The following TMTC2 variants were observed in gnomAD, a reference collection of about 807,000 sequenced individuals.
The protein encoded by TMTC2 is transmembrane O-mannosyltransferase targeting cadherins 2.
In TMTC2, 43 loss-of-function variants were observed where a neutral mutation model predicts 82.4. The observed-to-expected ratio is 0.52, with a 90% CI of 0.41 to 0.67. The LOEUF is 0.67. Among genes scored for constraint, TMTC2 ranks in the 30% least tolerant of loss-of-function variants. TMTC2 has a pLI of 0.00. For missense variants in TMTC2, 919 were observed against 1,012.4 expected (o/e 0.91, Z 1.25); for synonymous variants, 408 against 381.9 (o/e 1.07, Z -0.80).
At chr12:82,983,523 T>G (rs770398844) in intron 7 of TMTC2, among the ~76,000 whole-genome samples, 10 of 152,064 alleles carry the variant, frequency 6.6e-5, no homozygotes, top group Non-Finnish European at 1.5e-4. Flanking sequence ...GAAATAAATT[T>G]TAAATATTAA....
chr12:82,957,554 C>A (rs1430447089), intron 4 of TMTC2, among the ~76,000 whole-genome samples: 2 of 151,780 alleles, frequency 1.3e-5, no homozygotes, highest in East Asian at 1.9e-4. Context: ...GAATTTGAGA[C>A]CCCAAAATCT....
chr12:83,089,489 C>T (rs1360856289), intron 11 of TMTC2, among the ~76,000 whole-genome samples: 1 of 152,090 alleles, frequency 6.6e-6, no homozygotes, highest in Non-Finnish European at 1.5e-5. Flanking sequence ...TTAACTAATT[C>T]ACACACATTT....
intron 2 of TMTC2, among the ~76,000 whole-genome samples, chr12:82,895,591 G>C (rs80049030): frequency 6.6e-6 from 1 of 152,006 alleles, no homozygotes. Flanking sequence ...AATAAGAAAA[G>C]ATAATCAAAA....
chr12:82,866,764 A>G (rs551333747), intron 2 of TMTC2, among the ~76,000 whole-genome samples: 2 of 152,360 alleles, frequency 1.3e-5, no homozygotes, highest in South Asian at 4.1e-4. Context: ...TTAAATGCTT[A>G]GAATGGTGGA....
chr12:82,687,614 C>G lies in TMTC2; in HGVS notation c.28C>G (p.Leu10Val). 2 of 1,602,790 alleles carry G rather than the reference C, an allele frequency of 1.2e-6. No individual in the cohort carries two copies. Among genetic ancestry groups the G allele is most frequent in the Non-Finnish European group, 8.5e-7 (1 of 1,176,028 alleles). The part of the protein sequence containing the change: MIAELVSSA[L>V]GLALYLNTLS... The stretch of plus-strand genomic sequence containing the variant: ...GATTGCAGAGTTGGTGAGCAGCGCT[C>G]TGGGGCTCGCCTTGTATCTCAACAC... The change falls in exon 1 of 12, where the codon CTG (leucine) becomes GTG (valine). Residue 10 changes from leucine to valine, a missense_variant. Physicochemically the swap from Leu to Val is conservative, Grantham distance 32. Transcript: ENST00000321196.
At chr12:82,862,817 A>G (rs1871616297) in intron 2 of TMTC2, among the ~76,000 whole-genome samples, 1 of 152,216 alleles carries the variant, frequency 6.6e-6, no homozygotes, top group Admixed American at 6.5e-5. Context: ...TGTTCAGATC[A>G]AAACTAACAA....
chr12:82,865,781 T>C (rs2137127894), intron 2 of TMTC2, among the ~76,000 whole-genome samples: 1 of 152,176 alleles, frequency 6.6e-6, no homozygotes, highest in East Asian at 1.9e-4. Flanking sequence ...CCTCAGCAAA[T>C]GTAAAAGAAC....
chr12:82,695,322 T>G (rs1199435518), intron 1 of TMTC2, among the ~76,000 whole-genome samples: 1 of 152,224 alleles, frequency 6.6e-6, no homozygotes, highest in Non-Finnish European at 1.5e-5. Flanking sequence ...TGTTTCCTTT[T>G]TTTGGTTGCT....
chr12:82,909,576 G>C (rs1330571501), intron 3 of TMTC2, among the ~76,000 whole-genome samples: 2 of 152,076 alleles, frequency 1.3e-5, no homozygotes, highest in Non-Finnish European at 2.9e-5. Context: ...TCCTGACCTT[G>C]TGATCCACCC....
At chr12:82,784,378 A>G (rs1229527979) in intron 1 of TMTC2, among the ~76,000 whole-genome samples, 2 of 152,138 alleles carry the variant, frequency 1.3e-5, no homozygotes, top group African/African-American at 4.8e-5. Flanking sequence ...GAAAGGATAC[A>G]TGAAATTGAC....
intron 5 of TMTC2, 57 bp from the exon 6 acceptor site, chr12:82,965,503 A>G: frequency 6.4e-7 from 1 of 1,568,218 alleles, no homozygotes; most frequent in Admixed American, 1.8e-5. Context: ...AGAAAACTTT[A>G]TTTTATTCAA....
At chr12:82,883,632 A>G (rs1481406299) in intron 2 of TMTC2, among the ~76,000 whole-genome samples, 5 of 152,220 alleles carry the variant, frequency 3.3e-5, no homozygotes, top group African/African-American at 1.2e-4. Flanking sequence ...TTGTCGCACT[A>G]AAGCCACACA....
In TMTC2 at chr12:83,133,195, T is replaced by C. The variant is rs1248886931; in HGVS notation, c.*806T>C. The C allele has an allele frequency of 6.6e-6, 1 of 152,224 alleles. No homozygotes were observed. The highest frequency in any genetic ancestry group is 1.5e-5 in the Non-Finnish European group (1 of 68,054). 9.4% of individuals were successfully genotyped at this position (152,224 alleles called of 1,614,324 possible). A position where few individuals can be genotyped will look rare whatever the true frequency, so the allele number is the denominator to read the frequency against. ...CAGTAGAATTCATTGTATTAATTCT[T>C]TTGAAATTACCTTTGAAAATAGCTA... On this transcript the variant is annotated 3_prime_UTR_variant, in exon 12 of 12. Transcript: ENST00000321196.
intron 4 of TMTC2, among the ~76,000 whole-genome samples, chr12:82,954,538 A>T (rs1443903352): frequency 6.6e-6 from 1 of 152,240 alleles, no homozygotes; most frequent in African/African-American, 2.4e-5. Flanking sequence ...GAAACTGTTT[A>T]TCCTTCAGTA....
chr12:82,716,395 G>C (rs1371638514), intron 1 of TMTC2, among the ~76,000 whole-genome samples: 1 of 139,064 alleles, frequency 7.2e-6, no homozygotes, highest in East Asian at 2.1e-4. Flanking sequence ...ACGGAGTCTC[G>C]CTTTGTCGCC....
intron 11 of TMTC2, among the ~76,000 whole-genome samples, chr12:83,090,722 A>T (rs1375170243): frequency 6.6e-6 from 1 of 152,028 alleles, no homozygotes; most frequent in Non-Finnish European, 1.5e-5. Context: ...TCCTTCTTAG[A>T]TCCATTTCCT....
intron 11 of TMTC2, among the ~76,000 whole-genome samples, chr12:83,128,634 G>A: frequency 6.6e-6 from 1 of 152,078 alleles, no homozygotes; most frequent in Admixed American, 6.6e-5. Flanking sequence ...GAGCTTACAA[G>A]GCACCTGGGT....
intron 4 of TMTC2, among the ~76,000 whole-genome samples, chr12:82,939,751 T>C (rs1332653384): frequency 6.6e-6 from 1 of 152,128 alleles, no homozygotes; most frequent in Non-Finnish European, 1.5e-5. Context: ...GATCAAGTTG[T>C]TTCACCTACT....
chr12:83,095,344 C>A (rs912932975), intron 11 of TMTC2, among the ~76,000 whole-genome samples: 1 of 151,470 alleles, frequency 6.6e-6, no homozygotes, highest in Non-Finnish European at 1.5e-5. Flanking sequence ...GGGTTCACGC[C>A]ATTCTCCTGC....
Sources: allele counts gnomAD v4.1 joint callset (sites outside exome capture counted in the v4.1 genomes callset), GRCh38; gene constraint gnomAD v4.1.1; transcripts MANE v1.5; gene names NCBI Gene and HGNC (gene_info 2026-07-23, HGNC 2026-07-21).